Variants in LRBA observed in about 807,000 individuals in gnomAD.
LRBA encodes the protein LPS responsive beige-like anchor protein, also known as lipopolysaccharide-responsive and beige-like anchor protein.
Under a neutral mutation model 330.0 loss-of-function variants are expected in LRBA, and 176 were observed. The ratio of observed to expected loss-of-function variants is 0.53; its 90% CI spans 0.47 to 0.60. LRBA has a LOEUF of 0.60. Ranked by LOEUF, LRBA falls within the 20% of genes least tolerant of loss-of-function variation. LRBA has a pLI of 0.00. For missense variants in LRBA, 3,259 were observed against 3,444.8 expected, an observed-to-expected ratio of 0.95 and a Z score of 1.35; for synonymous variants, 1,230 against 1,193.0, an observed-to-expected ratio of 1.03 and a Z score of -0.64.
intron 36 of LRBA, among the ~76,000 whole-genome samples, chr4:150,690,118 T>C (rs1783985251): frequency 1.3e-5 from 2 of 152,018 alleles, no homozygotes; most frequent in African/African-American, 4.8e-5. Flanking sequence ...ATTCAACATT[T>C]TAAAAATTGA....
chr4:150,714,378 T>C (rs886399484), intron 36 of LRBA, among the ~76,000 whole-genome samples: 2 of 152,178 alleles, frequency 1.3e-5, no homozygotes, highest in African/African-American at 4.8e-5. Context: ...TTTTTTATTA[T>C]CTAGTTTTAA....
chr4:150,724,903 T>C (rs139780420), intron 36 of LRBA, among the ~76,000 whole-genome samples: 9,350 of 145,430 alleles, frequency 0.064, 926 homozygotes, highest in African/African-American at 0.22. Context: ...TGTATATATA[T>C]ACACACACAC....
intron 53 of LRBA, among the ~76,000 whole-genome samples, chr4:150,295,194 CTTTTTTTTTT>C (rs146893381): frequency 8.8e-6 from 1 of 113,832 alleles, no homozygotes; most frequent in Admixed American, 8.9e-5. Flanking sequence ...ATTAAAATAG[CTTTTTTTTTT>C]TTTTTTTTTT....
At chr4:150,561,595 G>A (rs1216073162) in intron 40 of LRBA, among the ~76,000 whole-genome samples, 1 of 152,118 alleles carries the variant, frequency 6.6e-6, no homozygotes, top group Non-Finnish European at 1.5e-5. Context: ...AAGGAAGGAA[G>A]CCACAAGCCA....
intron 37 of LRBA, among the ~76,000 whole-genome samples, chr4:150,622,314 G>T (rs978334930): frequency 5.9e-5 from 9 of 152,204 alleles, no homozygotes; most frequent in African/African-American, 2.2e-4. Flanking sequence ...TGAGGCAGAA[G>T]GATCACTTGA....
intron 37 of LRBA, among the ~76,000 whole-genome samples, chr4:150,676,522 C>T (rs983301351): frequency 1.3e-5 from 2 of 152,002 alleles, no homozygotes; most frequent in African/African-American, 2.4e-5. Context: ...AAATTTGAAA[C>T]GTCAAATATC....
chr4:150,457,894 C>T (rs911227283), intron 44 of LRBA, among the ~76,000 whole-genome samples: 1 of 151,890 alleles, frequency 6.6e-6, no homozygotes, highest in Admixed American at 6.6e-5. Flanking sequence ...TAAATAGTCA[C>T]TCCACATCAC....
intron 17 of LRBA, among the ~76,000 whole-genome samples, chr4:150,881,209 T>C (rs980756967): frequency 6.6e-6 from 1 of 152,168 alleles, no homozygotes; most frequent in African/African-American, 2.4e-5. Context: ...CAACAACACA[T>C]GCACTCGTAT....
chr4:150,509,329 G>C (rs915566133), intron 40 of LRBA, among the ~76,000 whole-genome samples: 1 of 151,594 alleles, frequency 6.6e-6, no homozygotes, highest in East Asian at 1.9e-4. Context: ...AAAACGAAAA[G>C]GAAATTAGCA....
At chr4:150,587,673 T>A (rs1772288193) in intron 40 of LRBA, among the ~76,000 whole-genome samples, 1 of 152,072 alleles carries the variant, frequency 6.6e-6, no homozygotes, top group Non-Finnish European at 1.5e-5. Flanking sequence ...TATATTGGCA[T>A]CATATCCAGA....
intron 47 of LRBA, among the ~76,000 whole-genome samples, chr4:150,400,231 A>G (rs1199083653): frequency 6.6e-6 from 1 of 152,206 alleles, no homozygotes; most frequent in African/African-American, 2.4e-5. Flanking sequence ...TTTAAGCAGT[A>G]TTTGTGAGAG....
intron 36 of LRBA, among the ~76,000 whole-genome samples, chr4:150,714,995 T>C (rs1786597982): frequency 6.6e-6 from 1 of 152,184 alleles, no homozygotes; most frequent in South Asian, 2.1e-4. Flanking sequence ...AACACCAATG[T>C]ATTTGAATAA....
intron 42 of LRBA, among the ~76,000 whole-genome samples, chr4:150,475,541 T>A (rs1756614231): frequency 6.6e-6 from 1 of 152,140 alleles, no homozygotes; most frequent in Non-Finnish European, 1.5e-5. Flanking sequence ...GTCCGTATCA[T>A]TTAAGTATCT....
intron 53 of LRBA, among the ~76,000 whole-genome samples, chr4:150,296,525 T>G (rs1205338029): frequency 6.6e-6 from 1 of 152,214 alleles, no homozygotes; most frequent in Admixed American, 6.5e-5. Flanking sequence ...ACTTAGATAA[T>G]GGCCCTGTTA....
chr4:150,727,973 G>C (rs1379642519), intron 36 of LRBA, among the ~76,000 whole-genome samples: 1 of 152,068 alleles, frequency 6.6e-6, no homozygotes, highest in Non-Finnish European at 1.5e-5. Context: ...CTTTTAGTGA[G>C]ACTAAGAAAA....
At chr4:150,603,954 C>T (rs554073550) in intron 37 of LRBA, among the ~76,000 whole-genome samples, 16 of 152,140 alleles carry the variant, frequency 1.1e-4, no homozygotes, top group African/African-American at 3.9e-4. Context: ...CTGATTTGAT[C>T]AGGTAGAACA....
rs781250473 is a variant in LRBA, at chr4:150,264,918, A to C, written c.*804T>G. 6 of 3,472 alleles carry C rather than the reference A, an allele frequency of 1.7e-3. No homozygotes were observed. Among genetic ancestry groups the C allele is most frequent in the Non-Finnish European group, 0.014 (6 of 434 alleles). The allele number at this position is 3,472 out of a possible 1,614,324, so 0.2% of individuals were successfully genotyped here. On this transcript the variant is annotated 3_prime_UTR_variant, in exon 57 of 57. Transcript: ENST00000651943. ...GGGAGGGAAGGGGGTGCCCCAACAA[A>C]ACAACAGTGGCTCCGCCTCATTGTC...
At chr4:150,955,498 G>T (rs999727994) in intron 2 of LRBA, among the ~76,000 whole-genome samples, 4 of 148,774 alleles carry the variant, frequency 2.7e-5, no homozygotes, top group Non-Finnish European at 5.9e-5. Context: ...ACCCACCTGT[G>T]GTCTAGCTAC....
At chr4:150,979,918 A>T (rs1740647083) in intron 2 of LRBA, among the ~76,000 whole-genome samples, 1 of 152,128 alleles carries the variant, frequency 6.6e-6, no homozygotes, top group South Asian at 2.1e-4. Flanking sequence ...TACCAATCCT[A>T]CTCAAATTAT....
Sources: allele counts gnomAD v4.1 joint callset (sites outside exome capture counted in the v4.1 genomes callset), GRCh38; gene constraint gnomAD v4.1.1; transcripts MANE v1.5; gene names NCBI Gene and HGNC (gene_info 2026-07-23, HGNC 2026-07-21).